Variants in FADS3 observed in about 807,000 individuals in gnomAD.
The protein encoded by FADS3 is cytochrome b5-related protein.
FADS3 carries 30 observed loss-of-function variants against 60.4 expected under a neutral mutation model. The ratio of observed to expected loss-of-function variants is 0.50; its 90% CI spans 0.37 to 0.67. The LOEUF (loss-of-function observed/expected upper bound fraction) is 0.67. Ranked by LOEUF, FADS3 falls within the 30% of genes least tolerant of loss-of-function variation. The pLI is 0.00. For synonymous variants in FADS3, 234 were observed against 249.3 expected, an observed-to-expected ratio of 0.94 and a Z score of 0.58; for missense variants, 432 against 598.3, an observed-to-expected ratio of 0.72 and a Z score of 2.90.
chr11:61,880,168 A>G lies in FADS3; in HGVS notation c.214-17T>C. Reference sequence around the variant, plus strand: ...GAAGGCATCCTGAAGGAGAGCAGACAGTCAGGCGGACAGACAGACACAGCT... The same window carrying G: ...GAAGGCATCCTGAAGGAGAGCAGACGGTCAGGCGGACAGACAGACACAGCT... On this transcript the variant is annotated splice_polypyrimidine_tract_variant and intron_variant, in intron 1 of 11. Coordinates refer to ENST00000278829, the MANE Select transcript of FADS3 (RefSeq NM_021727.5). 1.9e-6 allele frequency: 3 copies of G among 1,605,162 alleles called. No individual in the cohort carries two copies. Among genetic ancestry groups the G allele is most frequent in the Non-Finnish European group, 2.6e-6 (3 of 1,172,116 alleles).
In FADS3 at chr11:61,877,100, C is replaced by T; in HGVS notation, c.886-137G>A. On this transcript the variant is annotated intron_variant, in intron 7 of 11. Transcript: ENST00000278829. This position sits in a 1 kb window ranked among gnomAD's most constrained non-coding sequence, Gnocchi z 4.7. ...TCAGAGCCCAGGACAGGCCACCACC[C>T]TCTCTGGTTTTCTCAGCTGAGTAAA... 1.6e-6 allele frequency: 1 copy of T among 611,610 alleles called. No homozygotes were observed. The highest frequency in any genetic ancestry group is 2.9e-6 in the Non-Finnish European group (1 of 350,800). The allele number at this position is 611,610 out of a possible 1,614,324, so 37.9% of individuals were successfully genotyped here. A position where few individuals can be genotyped will look rare whatever the true frequency, so the allele number is the denominator to read the frequency against.
intron 11 of FADS3, among the ~76,000 whole-genome samples, chr11:61,875,493 C>A (rs938906686): frequency 6.6e-6 from 1 of 151,236 alleles, no homozygotes; most frequent in Admixed American, 6.6e-5. Flanking sequence ...TCAGCCTCCC[C>A]AAGTGCTGGA....
Position 61,878,512 on chromosome 11 carries a change from C to T in FADS3, c.747G>A (p.Glu249=). The stretch of plus-strand genomic sequence containing the variant: ...GTTGTCCACGTCCCTCCCCACCCAC[C>T]TCGACGGATGACTCCCCCAGGAGGA... ...PVFLLGESSV[E]YGKKKRRYLP... Residue 249 remains glutamate, a splice_region_variant and synonymous_variant, in exon 5 of 12, where the codon GAG becomes GAA. Transcript: ENST00000278829. 6.2e-7 allele frequency: 1 copy of T among 1,613,664 alleles called. No homozygotes were observed. The highest frequency in any genetic ancestry group is 8.5e-7 in the Non-Finnish European group (1 of 1,179,758).
chr11:61,876,817 G>A lies in FADS3; in HGVS notation c.983+49C>T. On this transcript the variant is annotated intron_variant, in intron 8 of 11. Transcript: ENST00000278829. This position sits in a 1 kb window ranked among gnomAD's most constrained non-coding sequence, Gnocchi z 5.7. ...AGGGAAGCTCTGGTGGGGGGCTGCA[G>A]TGGGGGTCACCTGTCGCCTGTGTGT... 7.0e-7 allele frequency: 1 copy of A among 1,422,136 alleles called. No individual in the cohort carries two copies. The highest frequency in any genetic ancestry group is 9.8e-7 in the Non-Finnish European group (1 of 1,024,754). 88.1% of individuals were successfully genotyped at this position (1,422,136 alleles called of 1,614,324 possible).
intron 1 of FADS3, among the ~76,000 whole-genome samples, chr11:61,889,647 C>T (rs1591203864): frequency 1.3e-5 from 2 of 151,672 alleles, no homozygotes; most frequent in Admixed American, 6.6e-5. Flanking sequence ...ACTCTGTCTC[C>T]GGCGGTTGGT....
intron 1 of FADS3, among the ~76,000 whole-genome samples, chr11:61,889,081 G>A (rs1938408026): frequency 1.3e-5 from 2 of 151,078 alleles, no homozygotes; most frequent in Admixed American, 1.3e-4. Flanking sequence ...TTTTTTAGAA[G>A]AGACAGGGTT....
At chr11:61,879,970 G>T in intron 2 of FADS3, 71 bp downstream of exon 2, 1 of 1,289,098 alleles carries the variant, frequency 7.8e-7, no homozygotes, top group South Asian at 1.3e-5. Flanking sequence ...CTGGCCATGT[G>T]GCAATGTCTC....
upstream of FADS3, among the ~76,000 whole-genome samples, chr11:61,891,705 G>A (rs1227363031): frequency 1.3e-5 from 2 of 151,780 alleles, no homozygotes; most frequent in Non-Finnish European, 2.9e-5. Context: ...GGCCGCCAGG[G>A]AGGGCGGCGT....
rs1180306038 is a variant in FADS3 at position 61,879,342 on chromosome 11, G to A, written c.492C>T (p.Ala164=). 1.3e-6 allele frequency: 2 copies of A among 1,557,094 alleles called. No homozygotes were observed. Among genetic ancestry groups the A allele is most frequent in the Non-Finnish European group, 1.7e-6 (2 of 1,150,212 alleles). The change falls in exon 3 of 12, where the codon GCC becomes GCT. Residue 164 remains alanine, a synonymous_variant. Coordinates refer to ENST00000278829, the MANE Select transcript of FADS3 (RefSeq NM_021727.5). ...AGATGGCCAGGATGAAGGCGGCCAG[G>A]GCACTGGGCACCCAGCCAGGACCCA... ...YLLGPGWVPS[A]LAAFILAISQ...
In FADS3 at chr11:61,877,604, G is replaced by C. The variant is rs749626221; in HGVS notation, c.809-17C>G. ...GCGGGCCGACTGCAAGAAGGGGCAT[G>C]AGAGTGTTCAGGAGTGGGGCTGGGC... On this transcript the variant is annotated splice_polypyrimidine_tract_variant and intron_variant, in intron 6 of 11. Transcript: ENST00000278829. This position sits in a 1 kb window ranked among gnomAD's most constrained non-coding sequence, Gnocchi z 4.7. 1 of 1,612,656 alleles carries C rather than the reference G, an allele frequency of 6.2e-7. No homozygotes were observed. The highest frequency in any genetic ancestry group is 8.5e-7 in the Non-Finnish European group (1 of 1,179,576).
rs747793266 is a variant in FADS3, at chr11:61,878,577, T to C, written c.682A>G (p.Ile228Val). ...RHFQHHAKPN[I>V]FHKDPDVTVA... Reference sequence around the variant, plus strand: ...GTCACGTCTGGGTCTTTGTGGAAGATGTTGGGCTTGGCGTGGTGCTGGAAG... The same window carrying C: ...GTCACGTCTGGGTCTTTGTGGAAGACGTTGGGCTTGGCGTGGTGCTGGAAG... The change falls in exon 5 of 12, where the codon ATC (isoleucine) becomes GTC (valine). Residue 228 changes from isoleucine (I) to valine (V), a missense_variant. By Grantham distance (29) the Ile-to-Val change is conservative (BLOSUM62 3). This residue lies in a region of FADS3 where 116 missense variants were observed against 208.9 expected (regional missense o/e 0.56). Transcript: ENST00000278829. 11 of 1,614,052 alleles carry C rather than the reference T, an allele frequency of 6.8e-6. No individual in the cohort carries two copies. The highest frequency in any genetic ancestry group is 1.6e-4 in the Middle Eastern group (1 of 6,062).
intron 11 of FADS3, among the ~76,000 whole-genome samples, chr11:61,874,216 T>C (rs1937786044): frequency 6.6e-6 from 1 of 152,226 alleles, no homozygotes; most frequent in African/African-American, 2.4e-5. Flanking sequence ...ACGTGGAACC[T>C]GCCCACCCGA....
chr11:61,880,212 C>G, intron 1 of FADS3, 61 bp from the exon 2 acceptor site: 1 of 1,366,550 alleles, frequency 7.3e-7, no homozygotes, highest in South Asian at 1.2e-5. Flanking sequence ...CAGCGGCAAC[C>G]AGCAGAGACA....
chr11:61,877,179 G>T lies in FADS3; in HGVS notation c.886-216C>A. The T allele has an allele frequency of 1.8e-6, 1 of 558,150 alleles. No homozygotes were observed. The highest frequency in any genetic ancestry group is 3.2e-6 in the Non-Finnish European group (1 of 311,922). The allele number at this position is 558,150 out of a possible 1,614,324, so 34.6% of individuals were successfully genotyped here. A position where few individuals can be genotyped will look rare whatever the true frequency, so the allele number is the denominator to read the frequency against. ...CGAGGCTGATTTTAGTGACGAAGGT[G>T]TCATGCAGGGTGTGTTGGGGAAGAC... On this transcript the variant is annotated intron_variant, in intron 7 of 11. Transcript: ENST00000278829. This position sits in a 1 kb window ranked among gnomAD's most constrained non-coding sequence, Gnocchi z 4.7.
chr11:61,886,545 C>A (rs535452623), intron 1 of FADS3, among the ~76,000 whole-genome samples: 1 of 152,214 alleles, frequency 6.6e-6, no homozygotes, highest in South Asian at 2.1e-4. Context: ...GAGCCACCCC[C>A]CAACCAACTC....
At position 61,877,728 on chromosome 11, in the gene FADS3, AC is replaced by A; in HGVS notation, c.809-142del. The A allele has an allele frequency of 1.4e-6, 1 of 737,810 alleles. No homozygotes were observed. The highest frequency in any genetic ancestry group is 2.3e-6 in the Non-Finnish European group (1 of 439,086). The allele number at this position is 737,810 out of a possible 1,614,324, so 45.7% of individuals were successfully genotyped here. On this transcript the variant is annotated intron_variant, in intron 6 of 11. Coordinates refer to ENST00000278829, the MANE Select transcript of FADS3 (RefSeq NM_021727.5). The surrounding 1 kb of genome is among the most constrained non-coding windows in gnomAD (Gnocchi z 4.7). ...ACATCCAGCTGAATGACCCCATATC[AC>A]CCCCAATTCTGTGTCCAAGCCTCCC... is the stretch of plus-strand genomic sequence containing the variant.
rs941302288 is a variant in FADS3 at position 61,874,814 on chromosome 11, C to T, written c.1287-949G>A. Among the ~76,000 whole-genome samples the T allele has an allele frequency of 5.3e-5, 8 of 152,240 alleles. No individual in the cohort carries two copies. In the East Asian group the frequency reaches 1.2e-3, roughly 22 times the overall value. On this transcript the variant is annotated intron_variant, in intron 11 of 11. Coordinates refer to ENST00000278829, the MANE Select transcript of FADS3 (RefSeq NM_021727.5). ...TTAGAAACTGCCGCCCCTGCCTGGC[C>T]GCCCCCCTCCCCTCCCCTGTCCCCA...
rs750712070 is a variant in FADS3 at position 61,876,696 on chromosome 11, C to T, written c.983+170G>A. 4 of 713,040 alleles carry T rather than the reference C, an allele frequency of 5.6e-6. No individual in the cohort carries two copies. In the East Asian group the frequency reaches 8.1e-5, roughly 14 times the overall value. The allele number at this position is 713,040 out of a possible 1,614,324, so 44.2% of individuals were successfully genotyped here. A position where few individuals can be genotyped will look rare whatever the true frequency, so the allele number is the denominator to read the frequency against. ...TACAAGCCAGGCCACGCTCCCTAAA[C>T]CCACCGACCCTGGGCTCCTGCCACG... is the stretch of plus-strand genomic sequence containing the variant. On this transcript the variant is annotated intron_variant, in intron 8 of 11. Transcript: ENST00000278829. The surrounding 1 kb of genome is among the most constrained non-coding windows in gnomAD (Gnocchi z 5.7).
At chr11:61,882,618 A>G (rs1344619859) in intron 1 of FADS3, 3 of 149,844 alleles carry the variant, frequency 2.0e-5, no homozygotes, top group Non-Finnish European at 4.4e-5. Flanking sequence ...TCAAGGTCTC[A>G]CTATGTTGCC....
Sources: gnomAD v4.1 joint callset for allele counts (sites outside exome capture counted in the v4.1 genomes callset) on GRCh38, gnomAD v4.1.1 for gene constraint, gnomAD v4.1.1 regional missense constraint, Gnocchi (gnomAD v3.1) non-coding constraint, MANE v1.5 for transcripts, NCBI Gene and HGNC (gene_info 2026-07-23, HGNC 2026-07-21) for gene names.